OVOL3: variants seen among roughly 807,000 people sequenced by gnomAD.
OVOL3 encodes the protein ovo like zinc finger 3, also known as putative transcription factor ovo-like protein 3.
In OVOL3, 15 loss-of-function variants were observed where a neutral mutation model predicts 13.6. That is an observed-to-expected ratio of 1.11 (90% CI 0.74 to 1.70). The LOEUF is 1.70. Ranked by LOEUF, OVOL3 falls within the 40% of genes most tolerant of loss-of-function variation. The probability of loss-of-function intolerance (pLI) is 0.00; values close to 1 mark genes in which losing one functional copy is unlikely to be tolerated. For synonymous variants in OVOL3, 102 were observed against 108.5 expected (o/e 0.94, Z 0.37); for missense variants, 290 against 280.6 (o/e 1.03, Z -0.24).
chr19:36,112,552 G>A (rs1047560015), intron 2 of OVOL3, among the ~76,000 whole-genome samples: 3 of 151,936 alleles, frequency 2.0e-5, no homozygotes, highest in African/African-American at 7.3e-5. Context: ...CACATCAGAA[G>A]ATGGGACTTG....
chr19:36,112,435 G>C (rs1333013050), intron 2 of OVOL3, among the ~76,000 whole-genome samples: 1 of 151,950 alleles, frequency 6.6e-6, no homozygotes, highest in East Asian at 1.9e-4. Flanking sequence ...CACTAGAATC[G>C]CTTGAACCCG....
In OVOL3 at chr19:36,113,497, C is replaced by T. The variant is rs751185128; in HGVS notation, c.409C>T (p.Gln137Ter). 7 of 1,536,010 alleles carry T rather than the reference C, an allele frequency of 4.6e-6. No individual in the cohort carries two copies. The African/African-American group carries it at 6.8e-5, about 15-fold the overall frequency. ...RCSACGKAFT[Q>*]RCSLEAHLAK... ...CAGTGCTTGCGGGAAAGCGTTTACG[C>T]AGCGCTGCTCCCTGGAAGCTCACCT... Residue 137 changes from glutamine to a stop codon, truncating the protein, a stop_gained, in exon 4 of 4, where the codon CAG (glutamine) becomes TAG (stop). Coordinates refer to ENST00000633214, the MANE Select transcript of OVOL3 (RefSeq NM_001302757.2). LOFTEE classifies it high-confidence loss of function.
rs1410729279 is a variant in OVOL3, at chr19:36,112,750, A to G, written c.160-10A>G. The G allele has an allele frequency of 2.0e-6, 3 of 1,531,080 alleles. No individual in the cohort carries two copies. The African/African-American group carries it at 4.1e-5, about 21-fold the overall frequency. 94.8% of individuals were successfully genotyped at this position (1,531,080 alleles called of 1,614,324 possible). A position where few individuals can be genotyped will look rare whatever the true frequency, so the allele number is the denominator to read the frequency against. On this transcript the variant is annotated splice_polypyrimidine_tract_variant and intron_variant, in intron 2 of 3. Coordinates refer to ENST00000633214, the MANE Select transcript of OVOL3 (RefSeq NM_001302757.2). Reference sequence around the variant, plus strand: ...AGCCAGAGAGGCTAATAACTCCTGCATCCCTCCAGCAGCCCACACAGGGCA... The same window carrying G: ...AGCCAGAGAGGCTAATAACTCCTGCGTCCCTCCAGCAGCCCACACAGGGCA...
rs1163499714 is a variant in OVOL3 at position 36,113,493 on chromosome 19, T to C, written c.405T>C (p.Phe135=). 2 of 1,535,894 alleles carry C rather than the reference T, an allele frequency of 1.3e-6. No individual in the cohort carries two copies. The highest frequency in any genetic ancestry group is 1.7e-6 in the Non-Finnish European group (2 of 1,146,778). ...GCTGCAGTGCTTGCGGGAAAGCGTT[T>C]ACGCAGCGCTGCTCCCTGGAAGCTC... The part of the protein sequence containing the change: ...PFRCSACGKA[F]TQRCSLEAHL... Residue 135 remains phenylalanine, a synonymous_variant, in exon 4 of 4, where the codon TTT becomes TTC. Transcript: ENST00000633214.
At chr19:36,111,845 G>T (rs1480206346) in intron 2 of OVOL3, 2 of 463,450 alleles carry the variant, frequency 4.3e-6, no homozygotes, top group Non-Finnish European at 8.6e-6. Context: ...CTAGGCATGG[G>T]CTGTTATATT....
chr19:36,113,489 C>G lies in OVOL3; in HGVS notation c.401C>G (p.Ala134Gly), dbSNP rs1347794924. The G allele has an allele frequency of 6.5e-7, 1 of 1,535,866 alleles. No homozygotes were observed. Among genetic ancestry groups the G allele is most frequent in the Non-Finnish European group, 8.7e-7 (1 of 1,146,758 alleles). The change falls in exon 4 of 4, where the codon GCG (alanine) becomes GGG (glycine). Residue 134 changes from alanine to glycine, a missense_variant. Physicochemically the swap from Ala to Gly is moderately conservative, Grantham distance 60 (BLOSUM62 0). Coordinates refer to ENST00000633214, the MANE Select transcript of OVOL3 (RefSeq NM_001302757.2). ...TTCCGCTGCAGTGCTTGCGGGAAAG[C>G]GTTTACGCAGCGCTGCTCCCTGGAA... ...RPFRCSACGK[A>G]FTQRCSLEAH...
Position 36,112,976 on chromosome 19 carries a change from C to T in OVOL3, c.364+12C>T, listed in dbSNP as rs1973860644. 3 of 1,533,178 alleles carry T rather than the reference C, an allele frequency of 2.0e-6. No individual in the cohort carries two copies. The highest frequency in any genetic ancestry group is 1.7e-6 in the Non-Finnish European group (2 of 1,144,548). 95.0% of individuals were successfully genotyped at this position (1,533,178 alleles called of 1,614,324 possible). On this transcript the variant is annotated intron_variant, in intron 3 of 3. Coordinates refer to ENST00000633214, the MANE Select transcript of OVOL3 (RefSeq NM_001302757.2). ...GAGGACTCACACTGGTGAGCAGTGGCAGGGACAGGGAAAAGTTGCTGGGCC... is the reference window on the plus strand; with the variant it reads ...GAGGACTCACACTGGTGAGCAGTGGTAGGGACAGGGAAAAGTTGCTGGGCC...
chr19:36,113,387 G>C, intron 3 of OVOL3, 66 bp from the exon 4 acceptor site: 1 of 1,460,962 alleles, frequency 6.8e-7, no homozygotes, highest in Non-Finnish European at 9.2e-7. Context: ...AGCAGGGTGG[G>C]GGCGCTTTAG....
Position 36,111,176 on chromosome 19 carries a change from C to T in OVOL3, c.-27C>T, listed in dbSNP as rs936965748. 16 of 1,512,208 alleles carry T rather than the reference C, an allele frequency of 1.1e-5. No homozygotes were observed. Among genetic ancestry groups the T allele is most frequent in the Admixed American group, 4.0e-5 (2 of 49,784 alleles). The allele number at this position is 1,512,208 out of a possible 1,614,324, so 93.7% of individuals were successfully genotyped here. On this transcript the variant is annotated 5_prime_UTR_variant, in exon 1 of 4. Transcript: ENST00000633214. ...GTCTGACAGCAGGTGGAAGCAGCCC[C>T]TGTGTGTGGAGAGCCTTCCGGAGGG...
Position 36,113,467 on chromosome 19 carries a change from C to A in OVOL3, c.379C>A (p.Arg127Ser), listed in dbSNP as rs777333644. 2 of 1,535,268 alleles carry A rather than the reference C, an allele frequency of 1.3e-6. No individual in the cohort carries two copies. Among genetic ancestry groups the A allele is most frequent in the East Asian group, 2.4e-5 (1 of 40,880 alleles). ...MRTHTGIRPF[R>S]CSACGKAFTQ... ...CATCTGTGCAGGGATCCGGCCCTTC[C>A]GCTGCAGTGCTTGCGGGAAAGCGTT... Residue 127 changes from arginine (R) to serine (S), a missense_variant, in exon 4 of 4, where the codon CGC becomes AGC. By Grantham distance (110) the Arg-to-Ser change is moderately radical (BLOSUM62 -1). Coordinates refer to ENST00000633214, the MANE Select transcript of OVOL3 (RefSeq NM_001302757.2).
In OVOL3 at chr19:36,112,969, G is replaced by A; in HGVS notation, c.364+5G>A. ...GCCACATGAGGACTCACACTGGTGAGCAGTGGCAGGGACAGGGAAAAGTTG... is the reference window on the plus strand; with the variant it reads ...GCCACATGAGGACTCACACTGGTGAACAGTGGCAGGGACAGGGAAAAGTTG... On this transcript the variant is annotated splice_donor_5th_base_variant and intron_variant, in intron 3 of 3. Coordinates refer to ENST00000633214, the MANE Select transcript of OVOL3 (RefSeq NM_001302757.2). 6.5e-7 allele frequency: 1 copy of A among 1,535,388 alleles called. No individual in the cohort carries two copies. The highest frequency in any genetic ancestry group is 1.2e-5 in the South Asian group (1 of 84,010).
At position 36,113,683 on chromosome 19, in the gene OVOL3, C is replaced by G. The variant is rs1401953200; in HGVS notation, c.*22C>G. The G allele has an allele frequency of 3.2e-6, 5 of 1,555,398 alleles. No individual in the cohort carries two copies. The East Asian group carries it at 9.7e-5, about 30-fold the overall frequency. The stretch of plus-strand genomic sequence containing the variant: ...CTGATACGGTGTGCCAGCGTCCTCC[C>G]CACGAGGCAAATAAACACAGAAAAC... On this transcript the variant is annotated 3_prime_UTR_variant, in exon 4 of 4. Coordinates refer to ENST00000633214, the MANE Select transcript of OVOL3 (RefSeq NM_001302757.2).
At chr19:36,113,319 C>T in intron 3 of OVOL3, 134 bp from the exon 4 acceptor site, 1 of 925,012 alleles carries the variant, frequency 1.1e-6, no homozygotes, top group Non-Finnish European at 1.6e-6. Context: ...GATGGTGGGT[C>T]ATGGGCGGAA....
rs763030152 is a variant in OVOL3 at position 36,113,477 on chromosome 19, C to T, written c.389C>T (p.Ala130Val). 36 of 1,535,552 alleles carry T rather than the reference C, an allele frequency of 2.3e-5. No homozygotes were observed. Among genetic ancestry groups the T allele is most frequent in the Non-Finnish European group, 3.0e-5 (34 of 1,146,496 alleles). ...GGGATCCGGCCCTTCCGCTGCAGTG[C>T]TTGCGGGAAAGCGTTTACGCAGCGC... The part of the protein sequence containing the change: ...HTGIRPFRCS[A>V]CGKAFTQRCS... The change falls in exon 4 of 4, where the codon GCT becomes GTT. Residue 130 changes from alanine (A) to valine (V), a missense_variant. Physicochemically the swap from Ala to Val is moderately conservative, Grantham distance 64 (BLOSUM62 0). Transcript: ENST00000633214.
intron 2 of OVOL3, 136 bp downstream of exon 2, chr19:36,111,569 C>G: frequency 1.1e-6 from 1 of 883,150 alleles, no homozygotes; most frequent in Non-Finnish European, 1.8e-6. Flanking sequence ...GCCCCTACTT[C>G]TCTGTGTTGG....
chr19:36,112,485 A>C (rs1377057472), intron 2 of OVOL3, among the ~76,000 whole-genome samples: 1 of 150,656 alleles, frequency 6.6e-6, no homozygotes, highest in East Asian at 2.0e-4. Flanking sequence ...ATACCACTTC[A>C]CTCCTGCCTG....
At chr19:36,113,137 G>A (rs951087734) in intron 3 of OVOL3, among the ~76,000 whole-genome samples, 173 bp downstream of exon 3, 1 of 152,174 alleles carries the variant, frequency 6.6e-6, no homozygotes, top group African/African-American at 2.4e-5. Flanking sequence ...CACCAAAATA[G>A]GGGCCTGTCA....
In OVOL3 at chr19:36,111,437, A is replaced by T. The variant is rs1353443255; in HGVS notation, c.159+4A>T. 14 of 1,535,648 alleles carry T rather than the reference A, an allele frequency of 9.1e-6. No homozygotes were observed. Among genetic ancestry groups the T allele is most frequent in the Admixed American group, 2.0e-5 (1 of 50,954 alleles). On this transcript the variant is annotated splice_donor_region_variant and intron_variant, in intron 2 of 3. Coordinates refer to ENST00000633214, the MANE Select transcript of OVOL3 (RefSeq NM_001302757.2). ...TGTCAGGGATCCGTGGACAGCGGTG[A>T]GTGTGTAACTGGCTAGCAAAGCCAG...
chr19:36,113,664 C>T lies in OVOL3; in HGVS notation c.*3C>T. On this transcript the variant is annotated 3_prime_UTR_variant, in exon 4 of 4. Coordinates refer to ENST00000633214, the MANE Select transcript of OVOL3 (RefSeq NM_001302757.2). ...GCGCCCTGCACCGCGCAGCCTGATA[C>T]GGTGTGCCAGCGTCCTCCCCACGAG... 1 of 1,549,504 alleles carries T rather than the reference C, an allele frequency of 6.5e-7. No homozygotes were observed. Among genetic ancestry groups the T allele is most frequent in the Non-Finnish European group, 8.7e-7 (1 of 1,145,910 alleles).
Sources: allele counts gnomAD v4.1 joint callset (sites outside exome capture counted in the v4.1 genomes callset), GRCh38; gene constraint gnomAD v4.1.1; transcripts MANE v1.5; gene names NCBI Gene and HGNC (gene_info 2026-07-23, HGNC 2026-07-21).